Variants in ANKS1B observed in about 807,000 individuals in gnomAD.
ANKS1B encodes ankyrin repeat and sterile alpha motif domain-containing protein 1B.
A neutral mutation model predicts 148.3 loss-of-function variants in ANKS1B; 36 were observed. That is an observed-to-expected ratio of 0.24 (90% CI 0.19 to 0.32). ANKS1B has a LOEUF of 0.32. ANKS1B is among the 10% of genes least tolerant of loss of function. ANKS1B has a pLI of 1.00. For missense variants in ANKS1B, 1,157 were observed against 1,542.6 expected (o/e 0.75, Z 4.19); for synonymous variants, 542 against 560.8 (o/e 0.97, Z 0.47).
chr12:99,051,268 T>C (rs561621347), intron 17 of ANKS1B, among the ~76,000 whole-genome samples: 1 of 152,238 alleles, frequency 6.6e-6, no homozygotes, highest in Non-Finnish European at 1.5e-5. Context: ...TAAGTGATCC[T>C]TACTTCAGTG....
chr12:98,937,199 G>C (rs917527377), intron 17 of ANKS1B, among the ~76,000 whole-genome samples: 2 of 152,044 alleles, frequency 1.3e-5, no homozygotes, highest in African/African-American at 4.8e-5. Flanking sequence ...TTTAAAATTT[G>C]TTCTTTTAAA....
intron 12 of ANKS1B, among the ~76,000 whole-genome samples, chr12:99,329,840 T>C (rs1417787101): frequency 2.0e-5 from 3 of 151,934 alleles, no homozygotes; most frequent in Non-Finnish European, 4.4e-5. Flanking sequence ...ATTAATATTT[T>C]ATATTTGTGA....
chr12:99,196,806 A>C (rs1415769082), intron 14 of ANKS1B, among the ~76,000 whole-genome samples: 1 of 151,918 alleles, frequency 6.6e-6, no homozygotes, highest in Non-Finnish European at 1.5e-5. Flanking sequence ...TAGTGACCCA[A>C]TGAAAAGAAA....
chr12:98,996,414 C>T (rs987332467), intron 17 of ANKS1B, among the ~76,000 whole-genome samples: 3 of 152,086 alleles, frequency 2.0e-5, no homozygotes, highest in East Asian at 1.9e-4. Flanking sequence ...GTGTTCCCAG[C>T]ACTTCTCCTC....
chr12:99,665,154 A>T (rs927406388), intron 8 of ANKS1B, among the ~76,000 whole-genome samples: 2 of 152,224 alleles, frequency 1.3e-5, no homozygotes, highest in African/African-American at 2.4e-5. Flanking sequence ...GCTAGGTCAC[A>T]CGGTAAATGC....
At chr12:99,278,216 C>T (rs1201136715) in intron 12 of ANKS1B, among the ~76,000 whole-genome samples, 1 of 152,154 alleles carries the variant, frequency 6.6e-6, no homozygotes, top group African/African-American at 2.4e-5. Flanking sequence ...AGAAGTGATG[C>T]ACACCACATA....
At chr12:98,950,335 A>C (rs2099852189) in intron 17 of ANKS1B, among the ~76,000 whole-genome samples, 1 of 152,132 alleles carries the variant, frequency 6.6e-6, no homozygotes, top group South Asian at 2.1e-4. Flanking sequence ...CATCTCTACC[A>C]AAAATACAAA....
At chr12:98,928,194 T>A (rs2099810456) in intron 17 of ANKS1B, among the ~76,000 whole-genome samples, 1 of 151,464 alleles carries the variant, frequency 6.6e-6, no homozygotes, top group African/African-American at 2.4e-5. Context: ...CTTGGTGAAC[T>A]GAACAAATAC....
At chr12:99,381,866 G>A (rs1566993214) in intron 12 of ANKS1B, among the ~76,000 whole-genome samples, 1 of 152,208 alleles carries the variant, frequency 6.6e-6, no homozygotes, top group Non-Finnish European at 1.5e-5. Context: ...ACACTTTGAT[G>A]TTTAGACAAT....
chr12:99,361,141 C>A (rs2092428610), intron 12 of ANKS1B, among the ~76,000 whole-genome samples: 2 of 151,932 alleles, frequency 1.3e-5, no homozygotes, highest in African/African-American at 4.8e-5. Flanking sequence ...TGTTTGTACA[C>A]AAAGAATAAA....
chr12:99,339,762 TA>T (rs1316076249), intron 12 of ANKS1B, among the ~76,000 whole-genome samples: 2 of 152,170 alleles, frequency 1.3e-5, no homozygotes, highest in African/African-American at 2.4e-5. Flanking sequence ...CCATCCTCCC[TA>T]CTTCTGCCTT....
At chr12:99,953,605 AC>A (rs2095266166) in intron 1 of ANKS1B, among the ~76,000 whole-genome samples, 2 of 151,286 alleles carry the variant, frequency 1.3e-5, no homozygotes, top group Admixed American at 1.3e-4. Context: ...AAAAAAAAAA[AC>A]CTTAGCAAGA....
chr12:98,856,365 C>A (rs535818715), intron 17 of ANKS1B, among the ~76,000 whole-genome samples: 3 of 152,216 alleles, frequency 2.0e-5, no homozygotes, highest in East Asian at 3.9e-4. Context: ...TGAGGCAGAC[C>A]TAGGTTTGAA....
chr12:98,960,693 A>T (rs996744436), intron 17 of ANKS1B, among the ~76,000 whole-genome samples: 1 of 152,172 alleles, frequency 6.6e-6, no homozygotes, highest in African/African-American at 2.4e-5. Flanking sequence ...AGAGACAGAG[A>T]TATGTAACCT....
chr12:98,772,420 G>A (rs1318616860), intron 25 of ANKS1B, among the ~76,000 whole-genome samples: 5 of 152,162 alleles, frequency 3.3e-5, no homozygotes, highest in Admixed American at 6.5e-5. Context: ...TAATAAAGAC[G>A]TACCCAAGAC....
At chr12:98,790,928 T>A (rs1489358564) in intron 22 of ANKS1B, among the ~76,000 whole-genome samples, 1 of 152,032 alleles carries the variant, frequency 6.6e-6, no homozygotes. Context: ...AGTAAGGGTG[T>A]TATATGGGAG....
chr12:99,253,271 T>C (rs770172231), intron 12 of ANKS1B, among the ~76,000 whole-genome samples: 12 of 149,178 alleles, frequency 8.0e-5, no homozygotes, highest in Non-Finnish European at 1.5e-4. Flanking sequence ...AGATGTCCAG[T>C]AGAGGGAGAC....
intron 9 of ANKS1B, among the ~76,000 whole-genome samples, chr12:99,555,915 C>T (rs998927202): frequency 1.3e-5 from 2 of 152,016 alleles, no homozygotes; most frequent in Non-Finnish European, 2.9e-5. Context: ...GTATCTCTGC[C>T]AGGTTTTGGT....
chr12:99,284,811 C>T (rs1248267487), intron 12 of ANKS1B, among the ~76,000 whole-genome samples: 7 of 152,188 alleles, frequency 4.6e-5, no homozygotes, highest in Non-Finnish European at 1.0e-4. Flanking sequence ...TTTTGTGATC[C>T]GGCCCCTCCC....
Sources: allele counts gnomAD v4.1 joint callset (sites outside exome capture counted in the v4.1 genomes callset), GRCh38; gene constraint gnomAD v4.1.1; transcripts MANE v1.5; gene names NCBI Gene and HGNC (gene_info 2026-07-23, HGNC 2026-07-21).